A4GALT: variants seen among roughly 807,000 people sequenced by gnomAD.
A4GALT encodes the protein lactosylceramide 4-alpha-galactosyltransferase.
For missense variants in A4GALT, 512 were observed against 486.0 expected, an observed-to-expected ratio of 1.05 and a Z score of -0.50; for synonymous variants, 257 against 220.7, an observed-to-expected ratio of 1.16 and a Z score of -1.46.
At chr22:42,716,197 G>C (rs1024368393) in intron 1 of A4GALT, among the ~76,000 whole-genome samples, 7 of 152,096 alleles carry the variant, frequency 4.6e-5, no homozygotes, top group African/African-American at 1.7e-4. Context: ...CCTACTCCAG[G>C]CTCAGGGCAC....
rs1037944358 is a variant in A4GALT at position 42,720,613 on chromosome 22, G to C, written c.-188+184C>G. On this transcript the variant is annotated intron_variant, in intron 1 of 2. Coordinates refer to ENST00000642412, the MANE Select transcript of A4GALT (RefSeq NM_017436.7). ...CGCAGTTGGGGTGGAGGCGGTGGCC[G>C]GGACCGCCGCGCGGGGTTCGTGCGC... Among the ~76,000 whole-genome samples, 22 of 152,146 alleles carry C rather than the reference G, an allele frequency of 1.4e-4. 1 individual carries two copies. The highest frequency in any genetic ancestry group is 5.2e-4 in the Admixed American group (8 of 15,292).
At chr22:42,697,649 T>C (rs897773185) in intron 1 of A4GALT, among the ~76,000 whole-genome samples, 6 of 152,072 alleles carry the variant, frequency 3.9e-5, no homozygotes, top group African/African-American at 1.4e-4. Context: ...GACCCAGGAA[T>C]AGAAACTGTG....
Position 42,692,980 on chromosome 22 carries a change from C to A in A4GALT, c.972G>T (p.Thr324=). The A allele has an allele frequency of 3.1e-6, 5 of 1,613,362 alleles. No individual in the cohort carries two copies. The highest frequency in any genetic ancestry group is 4.2e-6 in the Non-Finnish European group (5 of 1,179,964). ...GTGCCCTGGACGTGGCCTCGAACCG[C>A]GTGCCCTGGCTCTTCTTGTTCCACA... ...VHVWNKKSQG[T]RFEATSRALL... The change falls in exon 3 of 3, where the codon ACG becomes ACT. Residue 324 remains threonine, a synonymous_variant. Coordinates refer to ENST00000642412, the MANE Select transcript of A4GALT (RefSeq NM_017436.7). The surrounding 1 kb of genome is among the most constrained non-coding windows in gnomAD (Gnocchi z 4.6).
At chr22:42,699,210 A>AG (rs1406021223) in intron 1 of A4GALT, among the ~76,000 whole-genome samples, 2 of 151,834 alleles carry the variant, frequency 1.3e-5, no homozygotes, top group African/African-American at 4.8e-5. Flanking sequence ...CAGCCTCCTG[A>AG]GTAGCTGGGA....
intron 1 of A4GALT, among the ~76,000 whole-genome samples, chr22:42,716,551 C>A (rs557298436): frequency 6.6e-6 from 1 of 152,148 alleles, no homozygotes; most frequent in Non-Finnish European, 1.5e-5. Context: ...TAGAGGAAAC[C>A]AAGGCCTGCT....
chr22:42,713,446 A>G (rs998460645), intron 1 of A4GALT, among the ~76,000 whole-genome samples: 1 of 152,248 alleles, frequency 6.6e-6, no homozygotes, highest in Non-Finnish European at 1.5e-5. Context: ...GAATATGTAC[A>G]ACAGGGAAGA....
chr22:42,702,165 C>G (rs909150597), intron 1 of A4GALT, among the ~76,000 whole-genome samples: 56 of 152,162 alleles, frequency 3.7e-4, no homozygotes, highest in Non-Finnish European at 7.6e-4. Flanking sequence ...CACCGGGATG[C>G]CTTTCTTGGT....
chr22:42,704,923 C>T (rs1007466209), intron 1 of A4GALT, among the ~76,000 whole-genome samples: 2 of 151,828 alleles, frequency 1.3e-5, no homozygotes, highest in Non-Finnish European at 2.9e-5. Context: ...GTGGAAGACC[C>T]CAGAAAAGGC....
chr22:42,705,076 T>TA (rs1920978235), intron 1 of A4GALT, among the ~76,000 whole-genome samples: 1 of 152,064 alleles, frequency 6.6e-6, no homozygotes, highest in Non-Finnish European at 1.5e-5. Context: ...GGCCATACTT[T>TA]AAAAAGCACA....
chr22:42,717,072 A>G (rs1922256129), intron 1 of A4GALT, among the ~76,000 whole-genome samples: 1 of 152,066 alleles, frequency 6.6e-6, no homozygotes, highest in African/African-American at 2.4e-5. Context: ...AGGGGAGGGT[A>G]TGTGGACACT....
chr22:42,708,298 A>T (rs2147015405), intron 1 of A4GALT, among the ~76,000 whole-genome samples: 1 of 152,066 alleles, frequency 6.6e-6, no homozygotes, highest in Middle Eastern at 3.4e-3. Context: ...GAGGCAGGAG[A>T]ACCCAGGAGA....
At chr22:42,708,818 A>G (rs987143197) in intron 1 of A4GALT, among the ~76,000 whole-genome samples, 4 of 152,108 alleles carry the variant, frequency 2.6e-5, no homozygotes, top group Non-Finnish European at 5.9e-5. Flanking sequence ...AATAAAATTT[A>G]AAACCTGAAT....
At chr22:42,712,941 C>T (rs1172029344) in intron 1 of A4GALT, among the ~76,000 whole-genome samples, 1 of 152,100 alleles carries the variant, frequency 6.6e-6, no homozygotes, top group East Asian at 1.9e-4. Flanking sequence ...AAAGAGAGTG[C>T]TCATTCTCCC....
chr22:42,720,072 G>A (rs1159162659), intron 1 of A4GALT, among the ~76,000 whole-genome samples: 4 of 152,146 alleles, frequency 2.6e-5, no homozygotes, highest in East Asian at 1.9e-4. Flanking sequence ...CAGGTGCCCC[G>A]GCAGATCCTC....
At chr22:42,713,494 G>A (rs1447534130) in intron 1 of A4GALT, among the ~76,000 whole-genome samples, 1 of 152,200 alleles carries the variant, frequency 6.6e-6, no homozygotes, top group Non-Finnish European at 1.5e-5. Context: ...TGACATTCTA[G>A]TAGGGGAAAA....
rs150217735 is a variant in A4GALT, at chr22:42,692,957, G to A, written c.995C>T (p.Ala332Val). The change falls in exon 3 of 3, where the codon GCA (alanine) becomes GTA (valine). Residue 332 changes from alanine (A) to valine (V), a missense_variant. Physicochemically the swap from Ala to Val is moderately conservative, Grantham distance 64. Transcript: ENST00000642412. The surrounding 1 kb of genome is among the most constrained non-coding windows in gnomAD (Gnocchi z 4.6). ...GCGGGCATGCAGCTGGGCCAGCAGT[G>A]CCCTGGACGTGGCCTCGAACCGCGT... is the stretch of plus-strand genomic sequence containing the variant. ...QGTRFEATSR[A>V]LLAQLHARYC... The A allele has an allele frequency of 5.6e-6, 9 of 1,612,096 alleles. No homozygotes were observed. In the African/African-American group the frequency reaches 1.2e-4, roughly 22 times the overall value.
Position 42,692,769 on chromosome 22 carries a change from G to A in A4GALT, c.*121C>T. On this transcript the variant is annotated 3_prime_UTR_variant, in exon 3 of 3. Transcript: ENST00000642412. The surrounding 1 kb of genome is among the most constrained non-coding windows in gnomAD (Gnocchi z 4.6). ...GGCCTGCTCCCACAGCTCCTCAACA[G>A]CCTGCCTAAGCCCGGTGGCAGCTCG... 1.7e-6 allele frequency: 2 copies of A among 1,187,758 alleles called. No individual in the cohort carries two copies. The highest frequency in any genetic ancestry group is 2.4e-6 in the Non-Finnish European group (2 of 825,614). 73.6% of individuals were successfully genotyped at this position (1,187,758 alleles called of 1,614,324 possible).
At chr22:42,719,478 CAG>C (rs976540022) in intron 1 of A4GALT, among the ~76,000 whole-genome samples, 2 of 151,302 alleles carry the variant, frequency 1.3e-5, no homozygotes, top group African/African-American at 4.8e-5. Context: ...AAACTAATGA[CAG>C]AGAGGATTCC....
In A4GALT at chr22:42,692,602, G is replaced by T; in HGVS notation, c.*288C>A. On this transcript the variant is annotated 3_prime_UTR_variant, in exon 3 of 3. Transcript: ENST00000642412. This position sits in a 1 kb window ranked among gnomAD's most constrained non-coding sequence, Gnocchi z 4.6. ...TGCCTGGCTTTCCGCACCACCTGGG[G>T]GTGCCCTGAGGTTCATCCTTCCTGC... is the stretch of plus-strand genomic sequence containing the variant. The T allele has an allele frequency of 3.5e-6, 2 of 569,728 alleles. No individual in the cohort carries two copies. Among genetic ancestry groups the T allele is most frequent in the South Asian group, 3.1e-5 (2 of 65,114 alleles). The allele number at this position is 569,728 out of a possible 1,614,324, so 35.3% of individuals were successfully genotyped here.
Sources: gnomAD v4.1 joint callset for allele counts (sites outside exome capture counted in the v4.1 genomes callset) on GRCh38, gnomAD v4.1.1 for gene constraint, Gnocchi (gnomAD v3.1) non-coding constraint, MANE v1.5 for transcripts, NCBI Gene and HGNC (gene_info 2026-07-23, HGNC 2026-07-21) for gene names.